The following PCDHGB1 variants were observed in gnomAD, a reference collection of about 807,000 sequenced individuals.
PCDHGB1 encodes the protein protocadherin gamma subfamily B, 1.
In PCDHGB1, 34 loss-of-function variants were observed where a neutral mutation model predicts 56.6. That is an observed-to-expected ratio of 0.60 (90% CI 0.46 to 0.80). The LOEUF (loss-of-function observed/expected upper bound fraction) is 0.80. Ranked by LOEUF, PCDHGB1 falls within the 30% of genes least tolerant of loss-of-function variation. PCDHGB1 has a pLI of 0.00. For missense variants in PCDHGB1, 1,278 were observed against 1,204.6 expected (o/e 1.06, Z -0.90); for synonymous variants, 561 against 505.9 (o/e 1.11, Z -1.46).
intron 1 of PCDHGB1, among the ~76,000 whole-genome samples, chr5:141,455,250 A>C (rs1016027355): frequency 2.0e-5 from 3 of 152,172 alleles, no homozygotes; most frequent in Non-Finnish European, 2.9e-5. Flanking sequence ...GTCATAGTAC[A>C]ATCGCATTTC....
Position 141,350,187 on chromosome 5 carries a change from C to T in PCDHGB1, c.-74C>T, listed in dbSNP as rs1487170338. 9 of 1,358,066 alleles carry T rather than the reference C, an allele frequency of 6.6e-6. No individual in the cohort carries two copies. The highest frequency in any genetic ancestry group is 8.8e-6 in the Non-Finnish European group (9 of 1,021,554). 84.1% of individuals were successfully genotyped at this position (1,358,066 alleles called of 1,614,324 possible). ...ACTAATAAGTCCTAAGCTCAAATCA[C>T]AGAAGTCCAGGGTGCTGCCATTTCT... On this transcript the variant is annotated 5_prime_UTR_variant, in exon 1 of 4. Transcript: ENST00000523390.
At chr5:141,379,527 T>C (rs1182908156) in intron 1 of PCDHGB1, 1 of 152,228 alleles carries the variant, frequency 6.6e-6, no homozygotes, top group African/African-American at 2.4e-5. Context: ...GAGCATTTGT[T>C]GTTATAGGGA....
At chr5:141,414,037 T>C (rs769920301) in intron 1 of PCDHGB1, 2 of 1,611,060 alleles carry the variant, frequency 1.2e-6, no homozygotes, top group Admixed American at 1.7e-5. Context: ...ATTCCGAAAA[T>C]TACCTGACAC....
chr5:141,472,852 G>A (rs1354948628), intron 1 of PCDHGB1, among the ~76,000 whole-genome samples: 1 of 151,160 alleles, frequency 6.6e-6, no homozygotes, highest in African/African-American at 2.4e-5. Flanking sequence ...TGGGCATGGT[G>A]GCACATGCCT....
rs139771811 is a variant in PCDHGB1 at position 141,355,932 on chromosome 5, G to C, written c.2409+3263G>C. ...ACGATAATGCTCCCGTGTTCACTCA[G>C]CCCGAGTACCACGTAAGTGTTCGTG... On this transcript the variant is annotated intron_variant, in intron 1 of 3. Coordinates refer to ENST00000523390, the MANE Select transcript of PCDHGB1 (RefSeq NM_018922.3). 10 of 1,613,772 alleles carry C rather than the reference G, an allele frequency of 6.2e-6. 1 individual carries two copies. The highest frequency in any genetic ancestry group is 4.5e-5 in the East Asian group (2 of 44,878).
intron 1 of PCDHGB1, chr5:141,427,865 G>T: frequency 6.4e-7 from 1 of 1,558,148 alleles, no homozygotes; most frequent in Non-Finnish European, 8.8e-7. Context: ...GCGCCTTCGA[G>T]CTCACGATGC....
At position 141,476,001 on chromosome 5, in the gene PCDHGB1, C is replaced by G; in HGVS notation, c.2410-18806C>G. The G allele has an allele frequency of 8.1e-7, 1 of 1,235,348 alleles. No homozygotes were observed. Among genetic ancestry groups the G allele is most frequent in the Non-Finnish European group, 1.1e-6 (1 of 894,008 alleles). 76.5% of individuals were successfully genotyped at this position (1,235,348 alleles called of 1,614,324 possible). On this transcript the variant is annotated intron_variant, in intron 1 of 3. Transcript: ENST00000523390. The surrounding 1 kb of genome is among the most constrained non-coding windows in gnomAD (Gnocchi z 7.6). ...CAGCCGGCGAGCAAATCAACGGCATCCAGAAAGCCATGTCGGACTCGGCGC... is the reference window on the plus strand; with the variant it reads ...CAGCCGGCGAGCAAATCAACGGCATGCAGAAAGCCATGTCGGACTCGGCGC...
At position 141,364,968 on chromosome 5, in the gene PCDHGB1, C is replaced by T. The variant is rs368689829; in HGVS notation, c.2409+12299C>T. On this transcript the variant is annotated intron_variant, in intron 1 of 3. Transcript: ENST00000523390. ...GAGACTGTTCACGACCTCCTCCTCA[C>T]AGCTTTAGATGGCGGAGACCCGGTA... 166 of 1,613,836 alleles carry T rather than the reference C, an allele frequency of 1.0e-4. No homozygotes were observed. Among genetic ancestry groups the T allele is most frequent in the Non-Finnish European group, 1.4e-4 (162 of 1,179,906 alleles).
At chr5:141,357,719 C>T (rs935552148) in intron 1 of PCDHGB1, 5 of 1,429,472 alleles carry the variant, frequency 3.5e-6, no homozygotes, top group Admixed American at 5.2e-5. Context: ...AATAAAGTTG[C>T]CTCTTTTAAT....
At chr5:141,448,782 T>C (rs2098606045) in intron 1 of PCDHGB1, among the ~76,000 whole-genome samples, 1 of 148,758 alleles carries the variant, frequency 6.7e-6, no homozygotes, top group Non-Finnish European at 1.5e-5. Flanking sequence ...GTACTAAAAA[T>C]ACAAAAAAAA....
At chr5:141,358,383 C>T (rs1020680393) in intron 1 of PCDHGB1, among the ~76,000 whole-genome samples, 2 of 152,124 alleles carry the variant, frequency 1.3e-5, no homozygotes, top group Admixed American at 6.5e-5. Flanking sequence ...CTCTACCATG[C>T]TTTGCTTGAA....
intron 1 of PCDHGB1, among the ~76,000 whole-genome samples, chr5:141,452,578 C>T (rs2098744735): frequency 6.6e-6 from 1 of 152,150 alleles, no homozygotes; most frequent in African/African-American, 2.4e-5. Flanking sequence ...TCCCCCTTTC[C>T]ATCTTTGTAT....
At chr5:141,389,413 G>A in intron 1 of PCDHGB1, 1 of 1,613,608 alleles carries the variant, frequency 6.2e-7, no homozygotes, top group South Asian at 1.1e-5. Flanking sequence ...GCGGAGAGCG[G>A]GGTGGTGTTC....
chr5:141,503,894 T>C (rs898125492), intron 2 of PCDHGB1, among the ~76,000 whole-genome samples: 2 of 152,144 alleles, frequency 1.3e-5, no homozygotes, highest in African/African-American at 4.8e-5. Flanking sequence ...CATGACAAAA[T>C]ATGCACACAC....
Position 141,352,241 on chromosome 5 carries a change from G to T in PCDHGB1, c.1981G>T (p.Ala661Ser). Residue 661 changes from alanine (A) to serine (S), a missense_variant, in exon 1 of 4, where the codon GCG becomes TCG. By Grantham distance (99) the Ala-to-Ser change is moderately conservative. Transcript: ENST00000523390. ...SATATLHLIF[A>S]DSLQEVLPDL... ...CACCGCCACGCTGCACCTAATCTTC[G>T]CGGATAGCCTGCAAGAGGTATTGCC... 6.2e-7 allele frequency: 1 copy of T among 1,614,080 alleles called. No homozygotes were observed. Among genetic ancestry groups the T allele is most frequent in the Non-Finnish European group, 8.5e-7 (1 of 1,179,910 alleles).
At chr5:141,444,059 T>C (rs2098415588) in intron 1 of PCDHGB1, among the ~76,000 whole-genome samples, 1 of 150,620 alleles carries the variant, frequency 6.6e-6, no homozygotes, top group Admixed American at 6.6e-5. Flanking sequence ...ATCTTCAATC[T>C]AGATTCTGAT....
intron 1 of PCDHGB1, among the ~76,000 whole-genome samples, chr5:141,479,036 G>C (rs1202411463): frequency 1.3e-5 from 2 of 152,012 alleles, no homozygotes; most frequent in Non-Finnish European, 2.9e-5. Flanking sequence ...TATACAGATC[G>C]TGTACCTCAT....
intron 1 of PCDHGB1, among the ~76,000 whole-genome samples, chr5:141,369,675 G>A: frequency 6.6e-6 from 1 of 152,152 alleles, no homozygotes; most frequent in East Asian, 1.9e-4. Context: ...AGAAGAAAGT[G>A]AAACATAGAA....
At chr5:141,411,161 A>G (rs2095470005) in intron 1 of PCDHGB1, 1 of 152,284 alleles carries the variant, frequency 6.6e-6, no homozygotes, top group Non-Finnish European at 1.5e-5. Context: ...AGTTCTGACT[A>G]TCGAACAGAA....
Sources: gnomAD v4.1 joint callset for allele counts (sites outside exome capture counted in the v4.1 genomes callset) on GRCh38, gnomAD v4.1.1 for gene constraint, Gnocchi (gnomAD v3.1) non-coding constraint, MANE v1.5 for transcripts, NCBI Gene and HGNC (gene_info 2026-07-23, HGNC 2026-07-21) for gene names.